The following TMX2 variants were observed in gnomAD, a reference collection of about 807,000 sequenced individuals.
The protein encoded by TMX2 is thioredoxin-related transmembrane protein 2.
Under a neutral mutation model 33.4 loss-of-function variants are expected in TMX2, and 20 were observed. The observed-to-expected ratio is 0.60, with a 90% CI of 0.42 to 0.87. TMX2 has a LOEUF of 0.87. TMX2 is among the 40% of genes least tolerant of loss of function. The pLI, the probability that TMX2 is intolerant of heterozygous loss-of-function variation, is 0.00. For synonymous variants in TMX2, 166 were observed against 140.7 expected, an observed-to-expected ratio of 1.18 and a Z score of -1.27; for missense variants, 340 against 370.7, an observed-to-expected ratio of 0.92 and a Z score of 0.68.
chr11:57,735,813 C>G (rs145084273), intron 1 of TMX2, among the ~76,000 whole-genome samples: 9 of 152,268 alleles, frequency 5.9e-5, no homozygotes, highest in Non-Finnish European at 8.8e-5. Context: ...CCTCTCAAGT[C>G]AAAAGGTGAA....
chr11:57,718,500 C>T (rs1293380477), intron 1 of TMX2: 10 of 821,178 alleles, frequency 1.2e-5, no homozygotes, highest in South Asian at 1.4e-5. Context: ...TCACCATCCA[C>T]GGTGATGTCA....
At chr11:57,716,075 C>G (rs1460384475) in intron 1 of TMX2, among the ~76,000 whole-genome samples, 1 of 152,178 alleles carries the variant, frequency 6.6e-6, no homozygotes, top group Non-Finnish European at 1.5e-5. Flanking sequence ...GTCATCCCGG[C>G]CCGTTCTCAA....
chr11:57,717,745 A>AGGGGAGAGGGGAG (rs1565214368), intron 1 of TMX2, among the ~76,000 whole-genome samples: 5 of 59,900 alleles, frequency 8.3e-5, no homozygotes, highest in South Asian at 5.8e-4. Flanking sequence ...GAGAGGGGAG[A>AGGGGAGAGGGGAG]GGGGAGAGGG....
chr11:57,719,336 A>AT (rs1947414343), intron 1 of TMX2, among the ~76,000 whole-genome samples: 1 of 150,604 alleles, frequency 6.6e-6, no homozygotes, highest in Non-Finnish European at 1.5e-5. Flanking sequence ...TGCCTGGCCA[A>AT]TTTTTTTATT....
chr11:57,739,754 G>GAA (rs778726557), intron 7 of TMX2, among the ~76,000 whole-genome samples: 3 of 142,176 alleles, frequency 2.1e-5, no homozygotes, highest in South Asian at 4.5e-4. Context: ...ACTCCATCAG[G>GAA]AAAAAAAAAA....
chr11:57,712,608 C>T lies in TMX2; in HGVS notation c.-11C>T, dbSNP rs757914437. ...CGACGCCGGCGAGCAGTGGCCGTTACGGCCGAAAAGATGGCGGTCTTGGCA... is the reference window on the plus strand; with the variant it reads ...CGACGCCGGCGAGCAGTGGCCGTTATGGCCGAAAAGATGGCGGTCTTGGCA... On this transcript the variant is annotated 5_prime_UTR_variant, in exon 1 of 8. The change creates a new upstream start codon in the 5' untranslated region. Coordinates refer to ENST00000278422, the MANE Select transcript of TMX2 (RefSeq NM_015959.4). The T allele has an allele frequency of 3.1e-6, 5 of 1,602,178 alleles. No individual in the cohort carries two copies. Among genetic ancestry groups the T allele is most frequent in the East Asian group, 4.5e-5 (2 of 44,682 alleles).
At chr11:57,714,597 T>G (rs1946855635) in intron 1 of TMX2, among the ~76,000 whole-genome samples, 1 of 152,120 alleles carries the variant, frequency 6.6e-6, no homozygotes, top group Non-Finnish European at 1.5e-5. Context: ...TTTTTAGTTT[T>G]TTGGATTTTT....
At chr11:57,713,928 A>T (rs1227255939) in intron 1 of TMX2, among the ~76,000 whole-genome samples, 1 of 152,190 alleles carries the variant, frequency 6.6e-6, no homozygotes, top group African/African-American at 2.4e-5. Context: ...TCTTGTACTG[A>T]AGTAAGTTAA....
intron 1 of TMX2, among the ~76,000 whole-genome samples, chr11:57,715,586 C>CTTTTTTTTTTTTTTTTTTTTTTTT (rs367827761): frequency 1.3e-4 from 17 of 130,104 alleles, no homozygotes; most frequent in East Asian, 4.8e-4. Flanking sequence ...AATTTGTTTT[C>CTTTTTTTTTTTTTTTTTTTTTTTT]TTTTTTTTTT....
At chr11:57,716,965 A>C (rs1051003661) in intron 1 of TMX2, among the ~76,000 whole-genome samples, 17 of 144,148 alleles carry the variant, frequency 1.2e-4, no homozygotes, top group African/African-American at 4.5e-4. Flanking sequence ...TGCTGGGCGG[A>C]GGGTCTCCTC....
intron 1 of TMX2, among the ~76,000 whole-genome samples, chr11:57,717,069 G>A (rs1363426513): frequency 6.7e-6 from 1 of 149,000 alleles, no homozygotes; most frequent in African/African-American, 2.6e-5. Flanking sequence ...CGGACGGGGC[G>A]GCGGGGCAGA....
Position 57,739,156 on chromosome 11 carries a change from A to G in TMX2, c.640A>G (p.Thr214Ala). 1 of 1,614,092 alleles carries G rather than the reference A, an allele frequency of 6.2e-7. No individual in the cohort carries two copies. Among genetic ancestry groups the G allele is most frequent in the Non-Finnish European group, 8.5e-7 (1 of 1,180,016 alleles). The change falls in exon 7 of 8, where the codon ACC becomes GCC. Residue 214 changes from threonine (T) to alanine (A), a missense_variant. Around this residue, in one of 3 missense-constraint regions of TMX2, gnomAD observed 209 missense variants for 241.6 expected, o/e 0.87. Coordinates refer to ENST00000278422, the MANE Select transcript of TMX2 (RefSeq NM_015959.4). Reference protein sequence around the residue: ...TRYKVSTSPLTKQLPTLILFQ... With the variant: ...TRYKVSTSPLAKQLPTLILFQ... ...GTACAAAGTGAGCACATCACCCCTC[A>G]CCAAGCAACTCCCTACCCTGATCCT...
chr11:57,733,389 G>A (rs939721713), intron 1 of TMX2, among the ~76,000 whole-genome samples: 3 of 151,736 alleles, frequency 2.0e-5, no homozygotes. Context: ...CTAGTAGCTG[G>A]AACTACAGGT....
chr11:57,732,921 A>G (rs1413686317), intron 1 of TMX2, among the ~76,000 whole-genome samples: 1 of 152,164 alleles, frequency 6.6e-6, no homozygotes, highest in Non-Finnish European at 1.5e-5. Context: ...GTGTACTTAC[A>G]CAAACTTAGA....
chr11:57,731,105 CTTTCCGT>C (rs1948358709), intron 1 of TMX2, among the ~76,000 whole-genome samples: 1 of 135,604 alleles, frequency 7.4e-6, no homozygotes, highest in Non-Finnish European at 1.6e-5. Context: ...AAGTGCCACT[CTTTCCGT>C]TTTTTGTTTT....
intron 1 of TMX2, among the ~76,000 whole-genome samples, chr11:57,727,100 A>G (rs1444129054): frequency 6.6e-6 from 1 of 152,184 alleles, no homozygotes; most frequent in African/African-American, 2.4e-5. Context: ...AGATACAGCA[A>G]AAGGCAAAGG....
At chr11:57,728,297 G>A (rs958200853) in intron 1 of TMX2, among the ~76,000 whole-genome samples, 1 of 152,124 alleles carries the variant, frequency 6.6e-6, no homozygotes, top group Non-Finnish European at 1.5e-5. Context: ...CGAGTAGCTG[G>A]GACTACAGGC....
chr11:57,736,238 T>TACA (rs1242415243), intron 1 of TMX2, among the ~76,000 whole-genome samples: 11 of 152,068 alleles, frequency 7.2e-5, no homozygotes, highest in African/African-American at 2.4e-4. Flanking sequence ...GGTTACATTC[T>TACA]ACAACAGGGT....
At chr11:57,723,563 G>A (rs1484788323) in intron 1 of TMX2, among the ~76,000 whole-genome samples, 3 of 151,666 alleles carry the variant, frequency 2.0e-5, no homozygotes, top group Non-Finnish European at 4.4e-5. Flanking sequence ...AGCACTTTGG[G>A]AGACTGAGGC....
Sources: allele counts gnomAD v4.1 joint callset (sites outside exome capture counted in the v4.1 genomes callset), GRCh38; gene constraint gnomAD v4.1.1; regional missense constraint gnomAD v4.1.1; transcripts MANE v1.5; gene names NCBI Gene and HGNC (gene_info 2026-07-23, HGNC 2026-07-21).